Variants in CLSTN2 observed in about 807,000 individuals in gnomAD.
CLSTN2 encodes the protein calsyntenin-2.
CLSTN2 carries 48 observed loss-of-function variants against 101.2 expected under a neutral mutation model. That is an observed-to-expected ratio of 0.47 (90% CI 0.38 to 0.60). CLSTN2 has a LOEUF of 0.60. Ranked by LOEUF, CLSTN2 falls within the 20% of genes least tolerant of loss-of-function variation. The probability of loss-of-function intolerance (pLI) is 0.00; values close to 1 mark genes in which losing one functional copy is unlikely to be tolerated. For synonymous variants in CLSTN2, 481 were observed against 463.6 expected (o/e 1.04, Z -0.48); for missense variants, 1,160 against 1,238.2 (o/e 0.94, Z 0.95).
intron 1 of CLSTN2, among the ~76,000 whole-genome samples, chr3:140,170,782 T>G (rs1352355209): frequency 6.6e-6 from 1 of 152,184 alleles, no homozygotes; most frequent in African/African-American, 2.4e-5. Context: ...CAGCTGTGTG[T>G]CTAGCACAGG....
In CLSTN2 at chr3:140,404,897, T is replaced by C. The variant is rs1394688015; in HGVS notation, c.637+131T>C. On this transcript the variant is annotated intron_variant, in intron 4 of 16. Coordinates refer to ENST00000458420, the MANE Select transcript of CLSTN2 (RefSeq NM_022131.3). ...CTTGCCATGTTTGGTCTAAGCTCCA[T>C]AACCCAGAGCTCAGTCCCACACTTG... is the stretch of plus-strand genomic sequence containing the variant. 78 of 764,874 alleles carry C rather than the reference T, an allele frequency of 1.0e-4. 1 individual carries two copies. In the East Asian group the frequency reaches 2.1e-3, roughly 20 times the overall value. The allele number at this position is 764,874 out of a possible 1,614,324, so 47.4% of individuals were successfully genotyped here.
At chr3:140,225,428 G>A (rs2086309277) in intron 2 of CLSTN2, among the ~76,000 whole-genome samples, 1 of 152,168 alleles carries the variant, frequency 6.6e-6, no homozygotes, top group South Asian at 2.1e-4. Flanking sequence ...ACAATTTATT[G>A]TTTTAGTGCA....
At chr3:140,098,391 T>C (rs2008906971) in intron 1 of CLSTN2, among the ~76,000 whole-genome samples, 1 of 152,216 alleles carries the variant, frequency 6.6e-6, no homozygotes, top group South Asian at 2.1e-4. Flanking sequence ...ATTTCACAAG[T>C]ACTTGGCTAC....
At chr3:140,065,460 A>T (rs1451992655) in intron 1 of CLSTN2, among the ~76,000 whole-genome samples, 1 of 152,216 alleles carries the variant, frequency 6.6e-6, no homozygotes, top group Non-Finnish European at 1.5e-5. Context: ...GAGGAGAAGA[A>T]CTATCCTTAT....
intron 9 of CLSTN2, among the ~76,000 whole-genome samples, chr3:140,537,138 T>C (rs1935376519): frequency 6.6e-6 from 1 of 152,084 alleles, no homozygotes; most frequent in South Asian, 2.1e-4. Flanking sequence ...TTGTGGGGAG[T>C]GTTTCAGGTG....
chr3:140,280,682 A>T lies in CLSTN2; in HGVS notation c.232+104609A>T, dbSNP rs547345089. Among the ~76,000 whole-genome samples the T allele has an allele frequency of 5.9e-5, 9 of 152,288 alleles. No homozygotes were observed. In the South Asian group the frequency reaches 1.9e-3, roughly 32 times the overall value. ...TTCTTACAGTGTGCCATGATGCAAG[A>T]TGGGGCCATGGAACAGGCTGGCTTT... On this transcript the variant is annotated intron_variant, in intron 2 of 16. Transcript: ENST00000458420.
chr3:140,463,056 A>G (rs941525329), intron 7 of CLSTN2, among the ~76,000 whole-genome samples: 3 of 152,216 alleles, frequency 2.0e-5, no homozygotes, highest in Non-Finnish European at 2.9e-5. Flanking sequence ...CCTTGAGGTC[A>G]TTGTGTGGGG....
intron 1 of CLSTN2, among the ~76,000 whole-genome samples, chr3:140,011,022 G>A (rs935854700): frequency 2.1e-4 from 32 of 152,230 alleles, no homozygotes; most frequent in African/African-American, 7.0e-4. Context: ...GGCAGACGGC[G>A]GTCCTCCCAA....
At chr3:140,350,488 T>C (rs897681445) in intron 2 of CLSTN2, among the ~76,000 whole-genome samples, 52 of 152,188 alleles carry the variant, frequency 3.4e-4, no homozygotes, top group African/African-American at 1.3e-3. Flanking sequence ...AAAGCACCTA[T>C]GCATGTTTTG....
intron 2 of CLSTN2, among the ~76,000 whole-genome samples, chr3:140,218,408 A>T (rs2010947624): frequency 6.6e-6 from 1 of 152,130 alleles, no homozygotes; most frequent in Non-Finnish European, 1.5e-5. Flanking sequence ...ACTTATTATT[A>T]TCCTTACTTC....
At chr3:140,104,574 C>T (rs755287389) in intron 1 of CLSTN2, among the ~76,000 whole-genome samples, 7 of 152,136 alleles carry the variant, frequency 4.6e-5, no homozygotes, top group African/African-American at 7.2e-5. Context: ...ACAAAATGCT[C>T]GCTGATTTAC....
chr3:139,952,522 G>A (rs141593164), intron 1 of CLSTN2, among the ~76,000 whole-genome samples: 111 of 152,196 alleles, frequency 7.3e-4, no homozygotes, highest in African/African-American at 2.5e-3. Flanking sequence ...ACTTTGTGGG[G>A]AATTTTTATC....
At chr3:140,430,298 AG>A (rs1318995710) in intron 5 of CLSTN2, among the ~76,000 whole-genome samples, 1 of 152,206 alleles carries the variant, frequency 6.6e-6, no homozygotes. Flanking sequence ...TGCAGGAGTC[AG>A]GTGTTAAGCT....
chr3:140,071,906 G>C (rs1488330068), intron 1 of CLSTN2, among the ~76,000 whole-genome samples: 2 of 152,036 alleles, frequency 1.3e-5, no homozygotes, highest in African/African-American at 2.4e-5. Context: ...ACCTTCTTTT[G>C]ATTAGAGAAA....
At chr3:140,076,074 C>T (rs933731795) in intron 1 of CLSTN2, among the ~76,000 whole-genome samples, 3 of 152,144 alleles carry the variant, frequency 2.0e-5, no homozygotes, top group Admixed American at 2.0e-4. Flanking sequence ...CCATTTCCCC[C>T]TCTCCCCAGC....
chr3:140,336,287 C>A (rs1483579123), intron 2 of CLSTN2, among the ~76,000 whole-genome samples: 1 of 152,112 alleles, frequency 6.6e-6, no homozygotes, highest in East Asian at 1.9e-4. Flanking sequence ...TTCATTTCTC[C>A]ATTACACACA....
intron 2 of CLSTN2, among the ~76,000 whole-genome samples, chr3:140,260,091 C>T (rs1388556599): frequency 6.6e-6 from 1 of 150,630 alleles, no homozygotes; most frequent in Non-Finnish European, 1.5e-5. Flanking sequence ...ATGTAACAAA[C>T]CTGCCCATGT....
intron 1 of CLSTN2, among the ~76,000 whole-genome samples, chr3:139,956,966 A>G (rs749738925): frequency 2.8e-4 from 42 of 152,234 alleles, no homozygotes; most frequent in Non-Finnish European, 5.9e-5. Flanking sequence ...CTTAGAGCAT[A>G]GAAAGCTGCA....
chr3:140,045,825 G>A (rs1194384728), intron 1 of CLSTN2, among the ~76,000 whole-genome samples: 1 of 152,236 alleles, frequency 6.6e-6, no homozygotes, highest in Admixed American at 6.5e-5. Flanking sequence ...CAGTGGAGCG[G>A]TTTTGAGTGA....
Sources: allele counts gnomAD v4.1 joint callset (sites outside exome capture counted in the v4.1 genomes callset), GRCh38; gene constraint gnomAD v4.1.1; transcripts MANE v1.5; gene names NCBI Gene and HGNC (gene_info 2026-07-23, HGNC 2026-07-21).